The following FRMD5 variants were observed in gnomAD, a reference collection of about 807,000 sequenced individuals.
The protein encoded by FRMD5 is FERM domain containing 5.
FRMD5 carries 20 observed loss-of-function variants against 69.0 expected under a neutral mutation model. The ratio of observed to expected loss-of-function variants is 0.29; its 90% CI spans 0.20 to 0.42. The LOEUF (loss-of-function observed/expected upper bound fraction) is 0.42, where lower values mean the gene tolerates loss of function less well. FRMD5 is among the 10% of genes least tolerant of loss of function. FRMD5 has a pLI of 1.00. For missense variants in FRMD5, 595 were observed against 708.6 expected (o/e 0.84, Z 1.82); for synonymous variants, 271 against 260.1 (o/e 1.04, Z -0.40).
intron 1 of FRMD5, among the ~76,000 whole-genome samples, chr15:44,106,191 G>T (rs1470129327): frequency 6.6e-6 from 1 of 151,654 alleles, no homozygotes; most frequent in East Asian, 1.9e-4. Context: ...TTTACAAATG[G>T]GTCTGATACC....
At chr15:43,874,996 G>A (rs1412808565) in intron 13 of FRMD5, among the ~76,000 whole-genome samples, 2 of 148,594 alleles carry the variant, frequency 1.3e-5, no homozygotes, top group Admixed American at 6.7e-5. Flanking sequence ...TAAGGAGTTC[G>A]AGACCAGCCT....
At chr15:44,182,735 A>G (rs1214819270) in intron 1 of FRMD5, among the ~76,000 whole-genome samples, 1 of 152,222 alleles carries the variant, frequency 6.6e-6, no homozygotes, top group Non-Finnish European at 1.5e-5. Flanking sequence ...CTAGCTGTAC[A>G]AAGATATCTC....
At chr15:43,884,619 A>G in intron 12 of FRMD5, 108 bp downstream of exon 12, 1 of 882,290 alleles carries the variant, frequency 1.1e-6, no homozygotes, top group Non-Finnish European at 1.8e-6. Context: ...TCCATTTTGG[A>G]CTTTTTGGTA....
At chr15:44,083,611 GATGTTAGAAGTTACA>G (rs1894079031) in intron 1 of FRMD5, among the ~76,000 whole-genome samples, 1 of 151,896 alleles carries the variant, frequency 6.6e-6, no homozygotes, top group Non-Finnish European at 1.5e-5. Flanking sequence ...TACTGTTATT[GATGTTAGAAGTTACA>G]ATGCCTTGCT....
chr15:44,030,206 A>T (rs11070418), intron 1 of FRMD5, among the ~76,000 whole-genome samples: 9,934 of 150,970 alleles, frequency 0.066, 350 homozygotes, highest in Middle Eastern at 0.12. Context: ...TTTTTTTTTT[A>T]CAAAATTAAT....
intron 1 of FRMD5, among the ~76,000 whole-genome samples, chr15:43,936,296 G>A (rs1484382570): frequency 6.6e-6 from 1 of 152,130 alleles, no homozygotes; most frequent in African/African-American, 2.4e-5. Context: ...GGGCTCAAGC[G>A]ATCCTCCTAC....
intron 1 of FRMD5, among the ~76,000 whole-genome samples, chr15:44,163,409 G>T (rs2140506358): frequency 1.3e-5 from 2 of 152,264 alleles, no homozygotes; most frequent in Middle Eastern, 3.4e-3. Context: ...TGGAATAGAG[G>T]GGTTGGGCAT....
chr15:43,943,974 G>C (rs552711745), intron 1 of FRMD5, among the ~76,000 whole-genome samples: 2 of 152,232 alleles, frequency 1.3e-5, no homozygotes, highest in African/African-American at 4.8e-5. Context: ...TTTCTACTTA[G>C]AGCAAAGCAG....
At chr15:43,887,305 C>G (rs2088686956) in intron 10 of FRMD5, among the ~76,000 whole-genome samples, 1 of 152,214 alleles carries the variant, frequency 6.6e-6, no homozygotes, top group African/African-American at 2.4e-5. Context: ...GAGCTTGCAT[C>G]TCAAGTTGCT....
intron 1 of FRMD5, among the ~76,000 whole-genome samples, chr15:43,980,695 T>C (rs1434483327): frequency 6.6e-6 from 1 of 152,192 alleles, no homozygotes; most frequent in African/African-American, 2.4e-5. Flanking sequence ...ATTTTTTTTA[T>C]CTTAAAGCTG....
At chr15:44,163,989 G>A (rs1324306560) in intron 1 of FRMD5, among the ~76,000 whole-genome samples, 1 of 152,126 alleles carries the variant, frequency 6.6e-6, no homozygotes, top group East Asian at 1.9e-4. Flanking sequence ...CTTGCTTCTA[G>A]CAAGGGGAAG....
intron 1 of FRMD5, among the ~76,000 whole-genome samples, chr15:44,143,212 T>C (rs140504371): frequency 2.3e-4 from 35 of 152,314 alleles, no homozygotes; most frequent in Middle Eastern, 3.4e-3. Context: ...ACAAAGGATG[T>C]ATCAGACACA....
At chr15:44,029,407 GGGTGAT>G (rs1891581915) in intron 1 of FRMD5, among the ~76,000 whole-genome samples, 1 of 152,054 alleles carries the variant, frequency 6.6e-6, no homozygotes, top group African/African-American at 2.4e-5. Flanking sequence ...GAACCAGAAT[GGGTGAT>G]GTCTGAACCA....
intron 1 of FRMD5, among the ~76,000 whole-genome samples, chr15:44,159,928 G>C (rs1453678008): frequency 2.6e-5 from 4 of 152,174 alleles, no homozygotes; most frequent in Non-Finnish European, 5.9e-5. Context: ...GCAAGGTCCC[G>C]AGGTTCTCAG....
intron 1 of FRMD5, among the ~76,000 whole-genome samples, chr15:43,993,923 A>G (rs901526898): frequency 1.3e-5 from 2 of 152,170 alleles, no homozygotes; most frequent in African/African-American, 2.4e-5. Flanking sequence ...TTCTATTTGC[A>G]TGGAATATGT....
At chr15:44,189,858 C>T (rs1280943841) in intron 1 of FRMD5, among the ~76,000 whole-genome samples, 1 of 152,150 alleles carries the variant, frequency 6.6e-6, no homozygotes, top group Non-Finnish European at 1.5e-5. Context: ...AGACCTGCTT[C>T]ATTTGCTAGG....
intron 1 of FRMD5, among the ~76,000 whole-genome samples, chr15:44,116,617 G>C (rs2076872209): frequency 6.6e-6 from 1 of 152,074 alleles, no homozygotes; most frequent in Admixed American, 6.5e-5. Flanking sequence ...GTCTGCAACA[G>C]GTTAGGGTTG....
chr15:43,883,850 G>T, intron 12 of FRMD5, 41 bp from the exon 13 acceptor site: 1 of 1,452,008 alleles, frequency 6.9e-7, no homozygotes, highest in Non-Finnish European at 9.7e-7. Context: ...TCAGTGCATG[G>T]ACACATTTGG....
intron 1 of FRMD5, among the ~76,000 whole-genome samples, chr15:43,980,439 T>C (rs192379233): frequency 3.3e-5 from 5 of 152,304 alleles, no homozygotes; most frequent in Admixed American, 6.5e-5. Flanking sequence ...AAACAAACAT[T>C]TCCTTATTTA....
Sources: allele counts gnomAD v4.1 joint callset (sites outside exome capture counted in the v4.1 genomes callset), GRCh38; gene constraint gnomAD v4.1.1; transcripts MANE v1.5; gene names NCBI Gene and HGNC (gene_info 2026-07-23, HGNC 2026-07-21).